The following TCF7L2 variants were observed in gnomAD, a reference collection of about 807,000 sequenced individuals.
The protein encoded by TCF7L2 is transcription factor 7-like 2.
TCF7L2 carries 23 observed loss-of-function variants against 77.9 expected under a neutral mutation model. That is an observed-to-expected ratio of 0.30 (90% CI 0.21 to 0.42). The LOEUF (loss-of-function observed/expected upper bound fraction) is 0.42. Ranked by LOEUF, TCF7L2 falls within the 10% of genes least tolerant of loss-of-function variation. The pLI is 1.00. For synonymous variants in TCF7L2, 413 were observed against 340.2 expected (o/e 1.21, Z -2.36); for missense variants, 654 against 793.1 (o/e 0.82, Z 2.11).
At chr10:112,996,365 T>C (rs553239365) in intron 4 of TCF7L2, among the ~76,000 whole-genome samples, 2 of 152,292 alleles carry the variant, frequency 1.3e-5, no homozygotes, top group South Asian at 4.1e-4. Flanking sequence ...CTCAATATTT[T>C]ACATGGGAAA....
At chr10:113,030,620 G>A (rs1480290482) in intron 4 of TCF7L2, among the ~76,000 whole-genome samples, 1 of 152,190 alleles carries the variant, frequency 6.6e-6, no homozygotes, top group African/African-American at 2.4e-5. Context: ...CCTCTTAGTG[G>A]GAGGTTCTTC....
At chr10:113,011,196 C>T (rs1001215070) in intron 4 of TCF7L2, among the ~76,000 whole-genome samples, 1 of 152,042 alleles carries the variant, frequency 6.6e-6, no homozygotes. Flanking sequence ...ATGCTTAAGG[C>T]TTGGCAGATG....
At chr10:112,950,996 T>C in intron 1 of TCF7L2, 51 bp downstream of exon 1, 1 of 1,557,930 alleles carries the variant, frequency 6.4e-7, no homozygotes, top group Non-Finnish European at 8.7e-7. Flanking sequence ...TTCCTGGGCT[T>C]GGCAAATGTT....
intron 5 of TCF7L2, among the ~76,000 whole-genome samples, chr10:113,112,445 A>G (rs1426114645): frequency 6.6e-6 from 1 of 152,236 alleles, no homozygotes; most frequent in African/African-American, 2.4e-5. Flanking sequence ...GCGACTGGCA[A>G]GGCTCAGAAG....
At chr10:113,033,561 T>C (rs1432725389) in intron 4 of TCF7L2, among the ~76,000 whole-genome samples, 7 of 152,346 alleles carry the variant, frequency 4.6e-5, no homozygotes, top group African/African-American at 1.7e-4. Context: ...AATTTTTCTA[T>C]GGCTTTATTC....
At position 113,165,930 on chromosome 10, in the gene TCF7L2, C is replaced by A. The variant is rs1386506484; in HGVS notation, c.1767C>A (p.Thr589=). Residue 589 remains threonine (T), a synonymous_variant, in exon 14 of 14, where the codon ACC becomes ACA. Transcript: ENST00000627217. ...ATTCCCACAGCTCCCTGGCCGGGACCCAGCCCCAGCCGCTGTCGCTCGTCA... is the reference window on the plus strand; with the variant it reads ...ATTCCCACAGCTCCCTGGCCGGGACACAGCCCCAGCCGCTGTCGCTCGTCA... The A allele has an allele frequency of 6.4e-7, 1 of 1,553,006 alleles. No individual in the cohort carries two copies. The highest frequency in any genetic ancestry group is 2.3e-5 in the East Asian group (1 of 44,098).
intron 4 of TCF7L2, among the ~76,000 whole-genome samples, chr10:113,003,290 A>C (rs1294082495): frequency 6.6e-6 from 1 of 152,012 alleles, no homozygotes; most frequent in Admixed American, 6.5e-5. Flanking sequence ...CCTCTTTTTG[A>C]TGCCTTCTCT....
At position 113,165,822 on chromosome 10, in the gene TCF7L2, C is replaced by T. The variant is rs562824219; in HGVS notation, c.1659C>T (p.Asn553=). 2.4e-5 allele frequency: 39 copies of T among 1,606,052 alleles called. No individual in the cohort carries two copies. The highest frequency in any genetic ancestry group is 1.3e-4 in the East Asian group (6 of 44,766). Residue 553 remains asparagine, a synonymous_variant, in exon 14 of 14, where the codon AAC becomes AAT. Transcript: ENST00000627217. ...ACAAGGCCTCCGCCCTCTGTCCCAA[C>T]GGGGCCCTGGACCTGCCCCCAGCCG...
At chr10:113,134,912 G>T (rs902801702) in intron 5 of TCF7L2, among the ~76,000 whole-genome samples, 2 of 152,190 alleles carry the variant, frequency 1.3e-5, no homozygotes, top group Non-Finnish European at 2.9e-5. Context: ...GCACTTTCTG[G>T]CCCCATTTTG....
At chr10:113,082,478 T>C (rs138047758) in intron 5 of TCF7L2, among the ~76,000 whole-genome samples, 114 of 152,320 alleles carry the variant, frequency 7.5e-4, no homozygotes, top group African/African-American at 2.5e-3. Context: ...AACTTTGTTT[T>C]AACCAGCAAA....
chr10:113,035,003 C>T (rs532394052), intron 4 of TCF7L2, among the ~76,000 whole-genome samples: 143 of 150,350 alleles, frequency 9.5e-4, no homozygotes, highest in African/African-American at 3.3e-3. Context: ...CTTTCCATCT[C>T]TTTCCTTCCT....
intron 8 of TCF7L2, among the ~76,000 whole-genome samples, chr10:113,148,327 A>C (rs1473364251): frequency 6.6e-6 from 1 of 152,184 alleles, no homozygotes; most frequent in Non-Finnish European, 1.5e-5. Context: ...CCGGCTTCAA[A>C]GGGAGCGAGA....
intron 5 of TCF7L2, among the ~76,000 whole-genome samples, chr10:113,122,629 C>T (rs544075207): frequency 4.3e-4 from 65 of 152,224 alleles, no homozygotes; most frequent in Non-Finnish European, 7.8e-4. Flanking sequence ...TGTACTGGCC[C>T]ATCATCTAAA....
intron 4 of TCF7L2, among the ~76,000 whole-genome samples, chr10:113,035,298 C>G (rs917257120): frequency 6.6e-6 from 1 of 152,156 alleles, no homozygotes; most frequent in African/African-American, 2.4e-5. Flanking sequence ...GATTGAAGGC[C>G]CAGCAAGGGA....
At chr10:113,163,338 G>C (rs1198975277) in intron 13 of TCF7L2, among the ~76,000 whole-genome samples, 8 of 152,166 alleles carry the variant, frequency 5.3e-5, no homozygotes, top group African/African-American at 1.4e-4. Flanking sequence ...CCACCAAGTT[G>C]CTTTTCCCAT....
intron 11 of TCF7L2, among the ~76,000 whole-genome samples, chr10:113,153,126 C>T (rs1003897321): frequency 1.3e-5 from 2 of 152,192 alleles, no homozygotes; most frequent in African/African-American, 2.4e-5. Flanking sequence ...GCCTAGTCCT[C>T]TCTTGGGTTG....
intron 5 of TCF7L2, among the ~76,000 whole-genome samples, chr10:113,063,801 G>A (rs758339150): frequency 7.2e-5 from 11 of 152,120 alleles, no homozygotes; most frequent in South Asian, 4.2e-4. Context: ...GGAAGGTCCC[G>A]AGAGATCTGG....
chr10:113,119,434 A>G (rs2064398852), intron 5 of TCF7L2, among the ~76,000 whole-genome samples: 1 of 152,222 alleles, frequency 6.6e-6, no homozygotes, highest in African/African-American at 2.4e-5. Context: ...AGGTTAGATT[A>G]AGATGTGTCT....
At chr10:112,968,670 C>T (rs1033782788) in intron 4 of TCF7L2, among the ~76,000 whole-genome samples, 16 of 152,160 alleles carry the variant, frequency 1.1e-4, no homozygotes, top group African/African-American at 3.9e-4. Flanking sequence ...CCTCCGCCTC[C>T]CAGGATCAAG....
Sources: gnomAD v4.1 joint callset for allele counts (sites outside exome capture counted in the v4.1 genomes callset) on GRCh38, gnomAD v4.1.1 for gene constraint, MANE v1.5 for transcripts, NCBI Gene and HGNC (gene_info 2026-07-23, HGNC 2026-07-21) for gene names.